Variants in WDR12 observed in about 807,000 individuals in gnomAD.
The protein encoded by WDR12 is WD repeat domain 12, also known as ribosome biogenesis protein WDR12.
Under a neutral mutation model 64.3 loss-of-function variants are expected in WDR12, and 42 were observed. The ratio of observed to expected loss-of-function variants is 0.65; its 90% CI spans 0.51 to 0.84. The LOEUF is 0.84. WDR12 is among the 40% of genes least tolerant of loss of function. The pLI, the probability that WDR12 is intolerant of heterozygous loss-of-function variation, is 0.00. For missense variants in WDR12, 469 were observed against 494.6 expected, an observed-to-expected ratio of 0.95 and a Z score of 0.49; for synonymous variants, 158 against 173.3, an observed-to-expected ratio of 0.91 and a Z score of 0.70.
chr2:202,899,440 A>G, intron 4 of WDR12, 91 bp downstream of exon 4: 1 of 1,105,666 alleles, frequency 9.0e-7, no homozygotes, highest in South Asian at 1.6e-5. Context: ...ATAACATTAA[A>G]TCACAGAAAA....
rs906437929 is a variant in WDR12, at chr2:202,895,992, T to G, written c.609+73A>C. 3 of 1,536,008 alleles carry G rather than the reference T, an allele frequency of 2.0e-6. No homozygotes were observed. The Admixed American group carries it at 5.7e-5, about 29-fold the overall frequency. On this transcript the variant is annotated intron_variant, in intron 6 of 12. Transcript: ENST00000261015. ...AAACTAGGCCAACACAATGAATATA[T>G]GCAGAAGAAAATGTTTAGCAACAAG... is the stretch of plus-strand genomic sequence containing the variant.
intron 11 of WDR12, 89 bp from the exon 12 acceptor site, chr2:202,882,872 A>G (rs947630612): frequency 7.5e-6 from 10 of 1,338,868 alleles, no homozygotes; most frequent in Admixed American, 3.7e-5. Context: ...TGAAAACTTT[A>G]CAGGGTTTAC....
chr2:202,901,089 A>G lies in WDR12; in HGVS notation c.167T>C (p.Leu56Pro). 1 of 1,601,028 alleles carries G rather than the reference A, an allele frequency of 6.2e-7. No individual in the cohort carries two copies. The highest frequency in any genetic ancestry group is 8.5e-7 in the Non-Finnish European group (1 of 1,170,936). ...EFHKHVEFDF[L>P]IKGQFLRMPL... ...CATTCGCAGAAACTGGCCCTTAATA[A>G]GGAAATCAAACTCCACATGTTTGTG... Residue 56 changes from leucine (L) to proline (P), a missense_variant, in exon 3 of 13, where the codon CTT (leucine) becomes CCT (proline). Coordinates refer to ENST00000261015, the MANE Select transcript of WDR12 (RefSeq NM_018256.4).
chr2:202,904,568 G>A (rs1688420365), intron 2 of WDR12, among the ~76,000 whole-genome samples: 1 of 152,040 alleles, frequency 6.6e-6, no homozygotes, highest in Non-Finnish European at 1.5e-5. Flanking sequence ...CCTACACTGG[G>A]GAACAGCCAG....
At position 202,882,743 on chromosome 2, in the gene WDR12, T is replaced by C. The variant is rs748099251; in HGVS notation, c.1162A>G (p.Lys388Glu). Residue 388 changes from lysine to glutamate, a missense_variant, in exon 12 of 13, where the codon AAA becomes GAA. By Grantham distance (56) the Lys-to-Glu change is moderately conservative. Transcript: ENST00000261015. ...TCTGTCCAGTCTACACTCAGAACTT[T>C]GTCTTCATGAGCAGCCAGATCATAG... ...PLYDLAAHEDKVLSVDWTDTG... is the reference protein window; with the variant it reads ...PLYDLAAHEDEVLSVDWTDTG... 6.2e-6 allele frequency: 10 copies of C among 1,614,012 alleles called. No homozygotes were observed. Among genetic ancestry groups the C allele is most frequent in the Admixed American group, 5.0e-5 (3 of 60,006 alleles).
rs1158018070 is a variant in WDR12 at position 202,877,014 on chromosome 2, CCTT to C, written c.*3843_*3845del. The C allele has an allele frequency of 3.3e-5, 5 of 151,806 alleles. No homozygotes were observed. The highest frequency in any genetic ancestry group is 7.3e-5 in the African/African-American group (3 of 41,330). The allele number at this position is 151,806 out of a possible 1,614,324, so 9.4% of individuals were successfully genotyped here. ...ATTTGTTATATATAGTAAACTGTTA[CCTT>C]TTTTTCAAAACTACGATACATCAAA... is the stretch of plus-strand genomic sequence containing the variant. On this transcript the variant is annotated 3_prime_UTR_variant, in exon 13 of 13. Coordinates refer to ENST00000261015, the MANE Select transcript of WDR12 (RefSeq NM_018256.4).
Position 202,880,853 on chromosome 2 carries a change from T to C in WDR12, c.*7A>G. ...AATAATCTCTATAGTCAAATTATTG[T>C]TCACTTTCATGCCCCAACATGGGAA... On this transcript the variant is annotated 3_prime_UTR_variant, in exon 13 of 13. Coordinates refer to ENST00000261015, the MANE Select transcript of WDR12 (RefSeq NM_018256.4). The C allele has an allele frequency of 6.2e-7, 1 of 1,606,316 alleles. No homozygotes were observed. The highest frequency in any genetic ancestry group is 8.5e-7 in the Non-Finnish European group (1 of 1,176,348).
At chr2:202,902,599 T>C (rs536311392) in intron 2 of WDR12, among the ~76,000 whole-genome samples, 26 of 152,292 alleles carry the variant, frequency 1.7e-4, no homozygotes, top group African/African-American at 5.5e-4. Flanking sequence ...CCCTCAAACA[T>C]TGAACTCCAA....
Position 202,884,451 on chromosome 2 carries a change from A to C in WDR12, c.826T>G (p.Trp276Gly), listed in dbSNP as rs1326116234. 1.9e-6 allele frequency: 3 copies of C among 1,614,224 alleles called. No individual in the cohort carries two copies. The highest frequency in any genetic ancestry group is 2.5e-6 in the Non-Finnish European group (3 of 1,180,042). The change falls in exon 9 of 13, where the codon TGG (tryptophan) becomes GGG (glycine). Residue 276 changes from tryptophan to glycine, a missense_variant. By Grantham distance (184) the Trp-to-Gly change is radical. Transcript: ENST00000261015. ...TCCCACACTCTAATTGTATGGTCCC[A>C]AGATGCACTGCAGATTTCTTCAGCA... Reference protein sequence around the residue: ...SDAEEICSASWDHTIRVWDVE... With the variant: ...SDAEEICSASGDHTIRVWDVE...
intron 2 of WDR12, among the ~76,000 whole-genome samples, chr2:202,903,122 T>A (rs927537917): frequency 4.6e-5 from 7 of 152,036 alleles, no homozygotes; most frequent in African/African-American, 1.7e-4. Context: ...CATATATACA[T>A]CTATTCTATT....
Position 202,884,418 on chromosome 2 carries a change from A to T in WDR12, c.859T>A (p.Ser287Thr). The change falls in exon 9 of 13, where the codon TCT becomes ACT. Residue 287 changes from serine to threonine, a missense_variant. Transcript: ENST00000261015. ...ACCAAAGTTGACTTAAGACTGCCAG[A>T]CTCAACATCCCACACTCTAATTGTA... The part of the protein sequence containing the change: ...DHTIRVWDVE[S>T]GSLKSTLTGN... The T allele has an allele frequency of 6.2e-7, 1 of 1,614,192 alleles. No individual in the cohort carries two copies. Among genetic ancestry groups the T allele is most frequent in the South Asian group, 1.1e-5 (1 of 91,070 alleles).
Position 202,897,301 on chromosome 2 carries a change from T to C in WDR12, c.453A>G (p.Lys151=), listed in dbSNP as rs771579765. The C allele has an allele frequency of 6.3e-7, 1 of 1,589,856 alleles. No homozygotes were observed. Among genetic ancestry groups the C allele is most frequent in the Admixed American group, 1.8e-5 (1 of 55,064 alleles). The part of the protein sequence containing the change: ...DVVKDVAWVK[K]DSLSCLLLSA... ...TAAGTGTAGGCAAACTGTCCTAACCTTTTTTCACCCAGGCCACATCTTTTA... is the reference window on the plus strand; with the variant it reads ...TAAGTGTAGGCAAACTGTCCTAACCCTTTTTCACCCAGGCCACATCTTTTA... Residue 151 remains lysine (K), a splice_region_variant and synonymous_variant, in exon 5 of 13, where the codon AAA becomes AAG. Coordinates refer to ENST00000261015, the MANE Select transcript of WDR12 (RefSeq NM_018256.4).
chr2:202,901,433 T>C (rs1688347287), intron 2 of WDR12, among the ~76,000 whole-genome samples: 1 of 152,138 alleles, frequency 6.6e-6, no homozygotes, highest in Admixed American at 6.5e-5. Context: ...CCACCCTCCA[T>C]TCCCCGGCTG....
At position 202,876,704 on chromosome 2, in the gene WDR12, G is replaced by A. The variant is rs528933068; in HGVS notation, c.*4156C>T. The A allele has an allele frequency of 3.9e-5, 6 of 152,338 alleles. No homozygotes were observed. The highest frequency in any genetic ancestry group is 1.4e-4 in the African/African-American group (6 of 41,562). 9.4% of individuals were successfully genotyped at this position (152,338 alleles called of 1,614,324 possible). A position where few individuals can be genotyped will look rare whatever the true frequency, so the allele number is the denominator to read the frequency against. ...TAATCCGAGCACTTAGGGAGGCTGA[G>A]GCATGAGGACTGCCTGAGGCCAAGA... On this transcript the variant is annotated 3_prime_UTR_variant, in exon 13 of 13. Coordinates refer to ENST00000261015, the MANE Select transcript of WDR12 (RefSeq NM_018256.4).
Position 202,883,962 on chromosome 2 carries a change from G to A in WDR12, c.989-221C>T, listed in dbSNP as rs1454512195. 1.3e-5 allele frequency among the ~76,000 whole-genome samples: 2 copies of A among 152,016 alleles called. No homozygotes were observed. Among genetic ancestry groups the A allele is most frequent in the Non-Finnish European group, 2.9e-5 (2 of 67,998 alleles). ...TGAGTAGCTGGGATTACAGGCACGC[G>A]CCACCACACCCAGCTGATTTTTGTA... On this transcript the variant is annotated intron_variant, in intron 10 of 12. Coordinates refer to ENST00000261015, the MANE Select transcript of WDR12 (RefSeq NM_018256.4).
At chr2:202,881,246 A>T (rs1428337154) in intron 12 of WDR12, among the ~76,000 whole-genome samples, 1 of 152,258 alleles carries the variant, frequency 6.6e-6, no homozygotes, top group Non-Finnish European at 1.5e-5. Context: ...AAAGAAAATT[A>T]AAAATTTTTA....
intron 8 of WDR12, among the ~76,000 whole-genome samples, chr2:202,887,535 T>C (rs1688069091): frequency 6.6e-6 from 1 of 152,146 alleles, no homozygotes; most frequent in African/African-American, 2.4e-5. Flanking sequence ...CAATCTCTGA[T>C]GTCATCTAAA....
intron 11 of WDR12, among the ~76,000 whole-genome samples, chr2:202,883,238 C>A (rs1247644268): frequency 6.6e-6 from 1 of 152,014 alleles, no homozygotes; most frequent in Non-Finnish European, 1.5e-5. Flanking sequence ...TGGGTTCGAG[C>A]GATTCTCCTG....
rs1688266529 is a variant in WDR12, at chr2:202,897,371, A to C, written c.383T>G (p.Leu128Trp). ...AATTGTCATTATTGACTTTCCTTCC[A>C]AGGACCAGATCCGAGAAGTCTTATC... is the stretch of plus-strand genomic sequence containing the variant. ...SYDKTSRIWS[L>W]EGKSIMTIVG... Residue 128 changes from leucine to tryptophan, a missense_variant, in exon 5 of 13, where the codon TTG becomes TGG. Leu to Trp is a moderately conservative substitution (Grantham distance 61). Transcript: ENST00000261015. 6.3e-7 allele frequency: 1 copy of C among 1,598,236 alleles called. No individual in the cohort carries two copies. Among genetic ancestry groups the C allele is most frequent in the Non-Finnish European group, 8.5e-7 (1 of 1,173,496 alleles).
Sources: allele counts gnomAD v4.1 joint callset (sites outside exome capture counted in the v4.1 genomes callset), GRCh38; gene constraint gnomAD v4.1.1; transcripts MANE v1.5; gene names NCBI Gene and HGNC (gene_info 2026-07-23, HGNC 2026-07-21).